SP4: variants seen among roughly 807,000 people sequenced by gnomAD.
SP4 encodes transcription factor Sp4.
SP4 carries 19 observed loss-of-function variants against 72.8 expected under a neutral mutation model. That is an observed-to-expected ratio of 0.26 (90% CI 0.18 to 0.38). The LOEUF (loss-of-function observed/expected upper bound fraction) is 0.38. Among genes scored for constraint, SP4 ranks in the 10% least tolerant of loss-of-function variants. The pLI is 1.00. For missense variants in SP4, 1,008 were observed against 926.3 expected, an observed-to-expected ratio of 1.09 and a Z score of -1.14; for synonymous variants, 395 against 333.1, an observed-to-expected ratio of 1.19 and a Z score of -2.02.
intron 3 of SP4, among the ~76,000 whole-genome samples, chr7:21,439,290 C>T (rs115370889): frequency 6.7e-6 from 1 of 149,832 alleles, no homozygotes; most frequent in South Asian, 2.1e-4. Context: ...TGTCAGTTTT[C>T]CCTACAGAGC....
At chr7:21,454,143 G>T (rs1783685254) in intron 3 of SP4, among the ~76,000 whole-genome samples, 2 of 152,138 alleles carry the variant, frequency 1.3e-5, no homozygotes, top group African/African-American at 4.8e-5. Context: ...TAGGTGTGGA[G>T]CCTAGGACAC....
chr7:21,497,180 A>T (rs1400785837), intron 5 of SP4, among the ~76,000 whole-genome samples: 2 of 152,214 alleles, frequency 1.3e-5, no homozygotes, highest in Non-Finnish European at 2.9e-5. Flanking sequence ...TCATGGGGCT[A>T]CTTCACAGAG....
intron 3 of SP4, among the ~76,000 whole-genome samples, chr7:21,454,318 A>G (rs535834434): frequency 6.6e-5 from 10 of 151,536 alleles, no homozygotes; most frequent in Admixed American, 2.6e-4. Context: ...AACCTTTACA[A>G]TTATATAACA....
intron 3 of SP4, among the ~76,000 whole-genome samples, chr7:21,432,294 G>A (rs1462769719): frequency 6.6e-6 from 1 of 152,116 alleles, no homozygotes; most frequent in African/African-American, 2.4e-5. Context: ...TCCTTAACTT[G>A]CTTTATTTCT....
chr7:21,495,945 C>T (rs1781694182), intron 5 of SP4, among the ~76,000 whole-genome samples: 1 of 152,074 alleles, frequency 6.6e-6, no homozygotes, highest in Admixed American at 6.5e-5. Context: ...AATAAACAGC[C>T]ACATGGATGA....
intron 3 of SP4, among the ~76,000 whole-genome samples, chr7:21,459,340 C>T (rs1377168277): frequency 5.3e-5 from 8 of 152,088 alleles, no homozygotes; most frequent in South Asian, 2.1e-4. Context: ...AGGCTGGTAT[C>T]GATCTCCTGA....
intron 5 of SP4, among the ~76,000 whole-genome samples, chr7:21,507,063 T>C (rs1470788239): frequency 6.6e-6 from 1 of 152,176 alleles, no homozygotes; most frequent in African/African-American, 2.4e-5. Flanking sequence ...ATCATTCCCC[T>C]TTCTCTTCCT....
At position 21,512,593 on chromosome 7, in the gene SP4, G is replaced by C. The variant is rs1264347745; in HGVS notation, c.*1324G>C. ...TTTTTTTTTTTTGAGATGGAGTCTC[G>C]CTCTCTTGCCCAGGCTGGAGTGCAA... On this transcript the variant is annotated 3_prime_UTR_variant, in exon 6 of 6. Transcript: ENST00000222584. The C allele has an allele frequency of 7.3e-6, 1 of 137,762 alleles. No individual in the cohort carries two copies. The highest frequency in any genetic ancestry group is 2.3e-4 in the South Asian group (1 of 4,422). 8.5% of individuals were successfully genotyped at this position (137,762 alleles called of 1,614,324 possible).
intron 4 of SP4, among the ~76,000 whole-genome samples, chr7:21,480,954 G>C (rs1162984035): frequency 1.3e-5 from 2 of 152,164 alleles, no homozygotes; most frequent in South Asian, 2.1e-4. Flanking sequence ...TGAACCGGGG[G>C]TTGAGACAGT....
intron 5 of SP4, among the ~76,000 whole-genome samples, chr7:21,509,697 A>G (rs1466446903): frequency 6.6e-6 from 1 of 152,190 alleles, no homozygotes; most frequent in Non-Finnish European, 1.5e-5. Context: ...AAAGAAAAAG[A>G]GAATGTAAAG....
chr7:21,484,343 G>T (rs1334690467), intron 5 of SP4, among the ~76,000 whole-genome samples: 2 of 151,796 alleles, frequency 1.3e-5, no homozygotes, highest in Non-Finnish European at 3.0e-5. Flanking sequence ...ATAATTTTAT[G>T]TGTGAAAGTT....
At chr7:21,494,965 CAG>C (rs1216021084) in intron 5 of SP4, among the ~76,000 whole-genome samples, 5 of 152,108 alleles carry the variant, frequency 3.3e-5, no homozygotes, top group Non-Finnish European at 7.4e-5. Flanking sequence ...CCTCCACACA[CAG>C]GGTGCAAAAA....
At chr7:21,509,711 AAG>A (rs1424299070) in intron 5 of SP4, among the ~76,000 whole-genome samples, 3 of 152,224 alleles carry the variant, frequency 2.0e-5, no homozygotes, top group African/African-American at 4.8e-5. Context: ...TGTAAAGAAA[AAG>A]AGAGAATATC....
intron 3 of SP4, among the ~76,000 whole-genome samples, chr7:21,475,218 G>A (rs1444264793): frequency 6.6e-6 from 1 of 151,144 alleles, no homozygotes; most frequent in Non-Finnish European, 1.5e-5. Flanking sequence ...GGGTTCAAGC[G>A]ATTCTGCTGC....
intron 3 of SP4, among the ~76,000 whole-genome samples, chr7:21,459,223 G>A (rs920715128): frequency 6.6e-6 from 1 of 152,124 alleles, no homozygotes; most frequent in Admixed American, 6.6e-5. Flanking sequence ...GGATTCAAGC[G>A]ATTCTCCTGC....
At position 21,439,117 on chromosome 7, in the gene SP4, A is replaced by T. The variant is rs370850497; in HGVS notation, c.1678+8274A>T. Among the ~76,000 whole-genome samples, 161 of 152,278 alleles carry T rather than the reference A, an allele frequency of 1.1e-3. 1 individual carries two copies. The highest frequency in any genetic ancestry group is 3.8e-3 in the African/African-American group (156 of 41,542). Reference sequence around the variant, plus strand: ...TTGGAACATATTCCCCCCTCTGATAAGGGGGGACTGCTCTAGCTCTTTAAC... The same window carrying T: ...TTGGAACATATTCCCCCCTCTGATATGGGGGGACTGCTCTAGCTCTTTAAC... On this transcript the variant is annotated intron_variant, in intron 3 of 5. Transcript: ENST00000222584.
At chr7:21,471,455 G>C (rs1784340273) in intron 3 of SP4, among the ~76,000 whole-genome samples, 1 of 152,148 alleles carries the variant, frequency 6.6e-6, no homozygotes, top group African/African-American at 2.4e-5. Flanking sequence ...GATAAGTGTG[G>C]GTTCAAATCC....
intron 5 of SP4, among the ~76,000 whole-genome samples, chr7:21,510,168 G>A (rs1355249676): frequency 6.6e-6 from 1 of 152,168 alleles, no homozygotes; most frequent in Non-Finnish European, 1.5e-5. Context: ...TGAGGACACA[G>A]AGCCAAACCC....
rs1181487413 is a variant in SP4 at position 21,481,783 on chromosome 7, G to T, written c.1908-141G>T. The stretch of plus-strand genomic sequence containing the variant: ...TTTTGTCTTTAACTGAAAATTTTCT[G>T]ATTTGAACTACAGTTATGGCATCAT... On this transcript the variant is annotated intron_variant, in intron 4 of 5. Transcript: ENST00000222584. The T allele has an allele frequency of 4.7e-6, 3 of 644,752 alleles. No individual in the cohort carries two copies. In the Admixed American group the frequency reaches 8.6e-5, roughly 19 times the overall value. The allele number at this position is 644,752 out of a possible 1,614,324, so 39.9% of individuals were successfully genotyped here.
Sources: gnomAD v4.1 joint callset for allele counts (sites outside exome capture counted in the v4.1 genomes callset) on GRCh38, gnomAD v4.1.1 for gene constraint, MANE v1.5 for transcripts, NCBI Gene and HGNC (gene_info 2026-07-23, HGNC 2026-07-21) for gene names.